Variants in SPATA31H1 observed in about 807,000 individuals in gnomAD.
SPATA31H1 encodes the protein spermatogenesis-associated protein 31H1.
At chr2:27,580,674 A>G in the SPATA31H1 span, 14 of 1,614,266 alleles carry the variant, frequency 8.7e-6, no homozygotes, top group East Asian at 2.5e-4. Context: ...ACACAGAGTT[A>G]TAGCTTCTGT....
chr2:27,569,761 A>G, the SPATA31H1 span: 3 of 398,878 alleles, frequency 7.5e-6, no homozygotes, highest in Non-Finnish European at 1.3e-5. Flanking sequence ...AAGAGGGAAG[A>G]GCTCCAACGT....
At chr2:27,540,984 G>T in the SPATA31H1 span, among the ~76,000 whole-genome samples, 3 of 135,886 alleles carry the variant, frequency 2.2e-5, no homozygotes, top group African/African-American at 5.7e-5. Context: ...TCCCAGACGG[G>T]GTGGCGGCTG....
At chr2:27,566,631 T>G in the SPATA31H1 span, 1 of 580,070 alleles carries the variant, frequency 1.7e-6, no homozygotes, top group East Asian at 2.8e-5. Flanking sequence ...CTTTTTTTTT[T>G]TTTCAAATTC....
chr2:27,537,604 G>T, the SPATA31H1 span: 2 of 712,846 alleles, frequency 2.8e-6, no homozygotes, highest in East Asian at 2.7e-5. Context: ...AAACTAACTG[G>T]TCCCGCTCCT....
At chr2:27,582,722 A>G in the SPATA31H1 span, 1 of 622,828 alleles carries the variant, frequency 1.6e-6, no homozygotes. Context: ...GCAGTAAATG[A>G]TCTTCCTGTG....
chr2:27,559,911 A>G, the SPATA31H1 span, among the ~76,000 whole-genome samples: 1 of 151,602 alleles, frequency 6.6e-6, no homozygotes, highest in East Asian at 1.9e-4. Flanking sequence ...TTGGTTGCCC[A>G]GGCTGGAGGG....
chr2:27,551,183 C>A, the SPATA31H1 span, among the ~76,000 whole-genome samples: 1 of 152,098 alleles, frequency 6.6e-6, no homozygotes, highest in Middle Eastern at 3.4e-3. Context: ...AGCCACTGTG[C>A]CTGGCGGATG....
chr2:27,549,678 G>A, the SPATA31H1 span, among the ~76,000 whole-genome samples: 1 of 151,776 alleles, frequency 6.6e-6, no homozygotes, highest in Non-Finnish European at 1.5e-5. Context: ...TGGCATGATG[G>A]CATGCCTGTA....
At chr2:27,542,449 G>A in the SPATA31H1 span, among the ~76,000 whole-genome samples, 118 of 152,040 alleles carry the variant, frequency 7.8e-4, 3 homozygotes, top group African/African-American at 2.7e-3. Flanking sequence ...AAGTAGCTAC[G>A]TTTCAAGTGC....
At chr2:27,543,289 C>T in the SPATA31H1 span, among the ~76,000 whole-genome samples, 1 of 151,814 alleles carries the variant, frequency 6.6e-6, no homozygotes, top group Non-Finnish European at 1.5e-5. Context: ...GCATTTTGTC[C>T]GTTTTTCATA....
chr2:27,565,169 TTA>T, the SPATA31H1 span, among the ~76,000 whole-genome samples: 1 of 152,308 alleles, frequency 6.6e-6, no homozygotes, highest in South Asian at 2.1e-4. Flanking sequence ...TCCCTGATAT[TTA>T]TATGTTTGTT....
the SPATA31H1 span, chr2:27,580,258 A>G: frequency 4.3e-6 from 7 of 1,614,176 alleles, no homozygotes; most frequent in Non-Finnish European, 5.9e-6. Flanking sequence ...GCTCCTGTAC[A>G]AGTCTACATC....
the SPATA31H1 span, chr2:27,578,658 A>G: frequency 6.2e-7 from 1 of 1,614,188 alleles, no homozygotes; most frequent in African/African-American, 1.3e-5. Context: ...AGAGCCTCCT[A>G]AAGTTATGGA....
At chr2:27,569,960 C>T in the SPATA31H1 span, 2 of 398,738 alleles carry the variant, frequency 5.0e-6, no homozygotes, top group Non-Finnish European at 8.8e-6. Flanking sequence ...ATGAATTGAC[C>T]TCAGATTCCC....
the SPATA31H1 span, among the ~76,000 whole-genome samples, chr2:27,549,344 C>CT: frequency 1.8e-4 from 26 of 147,676 alleles, no homozygotes; most frequent in Non-Finnish European, 2.3e-4. Context: ...TATTTATTTA[C>CT]TTTTTTTTTT....
the SPATA31H1 span, chr2:27,582,193 G>A: frequency 3.8e-6 from 6 of 1,586,532 alleles, no homozygotes; most frequent in Non-Finnish European, 5.1e-6. Context: ...AGTTCCTCTG[G>A]GAAAACCTGT....
the SPATA31H1 span, among the ~76,000 whole-genome samples, chr2:27,550,246 T>G: frequency 6.6e-6 from 1 of 150,966 alleles, no homozygotes; most frequent in East Asian, 1.9e-4. Context: ...ATGTAGAGGA[T>G]AGTTTGCAAT....
chr2:27,556,218 A>G, the SPATA31H1 span, among the ~76,000 whole-genome samples: 2 of 149,324 alleles, frequency 1.3e-5, no homozygotes, highest in Admixed American at 6.7e-5. Flanking sequence ...CTTTGTCTTC[A>G]TGCTGCTTCA....
chr2:27,568,799 A>G, the SPATA31H1 span: 2 of 398,970 alleles, frequency 5.0e-6, no homozygotes, highest in Non-Finnish European at 4.4e-6. Context: ...TTCCTGAGAC[A>G]CAGGTGCAAG....
Sources: gnomAD v4.1 joint callset for allele counts (sites outside exome capture counted in the v4.1 genomes callset) on GRCh38, gnomAD v4.1.1 for gene constraint, MANE v1.5 for transcripts, NCBI Gene and HGNC (gene_info 2026-07-23, HGNC 2026-07-21) for gene names.